The following TMPRSS15 variants were observed in gnomAD, a reference collection of about 807,000 sequenced individuals.
TMPRSS15 encodes the protein enteropeptidase.
A neutral mutation model predicts 125.3 loss-of-function variants in TMPRSS15; 128 were observed. The observed-to-expected ratio is 1.02, with a 90% CI of 0.89 to 1.18. The LOEUF is 1.18. TMPRSS15 is among the 50% of genes most tolerant of loss of function. The pLI is 0.00. For synonymous variants in TMPRSS15, 446 were observed against 423.2 expected (o/e 1.05, Z -0.66); for missense variants, 1,283 against 1,212.7 (o/e 1.06, Z -0.86).
chr21:18,440,101 G>A (rs942289331), intron 1 of TMPRSS15, among the ~76,000 whole-genome samples: 27 of 151,936 alleles, frequency 1.8e-4, no homozygotes, highest in South Asian at 1.0e-3. Context: ...ATGGCCGGGC[G>A]CGGTGGCTCA....
Position 18,428,378 on chromosome 21 carries a change from G to T in TMPRSS15, c.11-30049C>A, listed in dbSNP as rs143369951. On this transcript the variant is annotated intron_variant, in intron 1 of 7. Transcript: ENST00000422787. ...CGAGGAGAAATTCAAGCAGGCTGCA[G>T]AAATTTGCATAAGTAACAAGGAGCC... Among the ~76,000 whole-genome samples the T allele has an allele frequency of 2.0e-4, 30 of 152,314 alleles. 1 individual carries two copies. The East Asian group carries it at 5.8e-3, about 29-fold the overall frequency.
chr21:18,402,078 T>C (rs2076099911), intron 1 of TMPRSS15, among the ~76,000 whole-genome samples: 1 of 152,190 alleles, frequency 6.6e-6, no homozygotes, highest in African/African-American at 2.4e-5. Context: ...CTTTAAAATA[T>C]AGCCCGTGTG....
At chr21:18,334,420 T>C (rs1297080122) in intron 13 of TMPRSS15, among the ~76,000 whole-genome samples, 8 of 152,196 alleles carry the variant, frequency 5.3e-5, no homozygotes, top group Non-Finnish European at 8.8e-5. Flanking sequence ...TTATCTCATA[T>C]GGGGAGAGAA....
At chr21:18,312,095 T>G (rs2075106616) in intron 18 of TMPRSS15, among the ~76,000 whole-genome samples, 1 of 152,110 alleles carries the variant, frequency 6.6e-6, no homozygotes, top group African/African-American at 2.4e-5. Flanking sequence ...GTTATAAAGA[T>G]AACCACATGT....
intron 18 of TMPRSS15, among the ~76,000 whole-genome samples, chr21:18,298,242 T>C (rs1342417632): frequency 6.6e-6 from 1 of 152,222 alleles, no homozygotes. Flanking sequence ...TTTTCTCCTG[T>C]TGTATAGCTC....
intron 1 of TMPRSS15, among the ~76,000 whole-genome samples, chr21:18,453,211 C>G (rs1467208320): frequency 6.6e-6 from 1 of 152,118 alleles, no homozygotes; most frequent in Non-Finnish European, 1.5e-5. Flanking sequence ...AAACTACCAG[C>G]CTCTAATTTA....
intron 18 of TMPRSS15, among the ~76,000 whole-genome samples, chr21:18,308,259 T>G (rs894044475): frequency 1.3e-5 from 2 of 152,184 alleles, no homozygotes; most frequent in Admixed American, 6.6e-5. Flanking sequence ...TTTTGTTGAC[T>G]CTTTATCAAC....
rs142852572 is a variant in TMPRSS15, at chr21:18,471,667, A to ACTC, written c.10+14131_10+14132insGAG. Among the ~76,000 whole-genome samples the ACTC allele has an allele frequency of 4.0e-3, 605 of 152,204 alleles. 3 individuals are homozygous for ACTC. Among genetic ancestry groups the ACTC allele is most frequent in the African/African-American group, 0.014 (576 of 41,556 alleles). ...AAAACTTAATGATAATTTTTATAGA[A>ACTC]ACCTTTGCAACCAGCCACTCAAATG... On this transcript the variant is annotated intron_variant, in intron 1 of 7. Coordinates refer to the TMPRSS15 transcript ENST00000422787.
At chr21:18,271,872 T>C (rs2074561019) in intron 24 of TMPRSS15, among the ~76,000 whole-genome samples, 1 of 152,184 alleles carries the variant, frequency 6.6e-6, no homozygotes, top group Non-Finnish European at 1.5e-5. Flanking sequence ...GATGATGGCT[T>C]CCAGCTTCAT....
In TMPRSS15 at chr21:18,394,533, G is replaced by GTCTCTC. The variant is rs199599399; in HGVS notation, c.344+3340_344+3345dup. Among the ~76,000 whole-genome samples the GTCTCTC allele has an allele frequency of 2.7e-5, 4 of 147,294 alleles. No individual in the cohort carries two copies. The South Asian group carries it at 8.6e-4, about 32-fold the overall frequency. On this transcript the variant is annotated intron_variant, in intron 3 of 24. Coordinates refer to ENST00000284885, the MANE Select transcript of TMPRSS15 (RefSeq NM_002772.3). ...TATGGCATTCTCTCTCTCTCTCTCT[G>GTCTCTC]TCTCTCTCTCTCTCTCTCTGTCTCT...
At chr21:18,436,190 C>T (rs2076227483) in intron 1 of TMPRSS15, among the ~76,000 whole-genome samples, 1 of 150,574 alleles carries the variant, frequency 6.6e-6, no homozygotes, top group Non-Finnish European at 1.5e-5. Context: ...AATGTGTTTG[C>T]TCTTGCTTTT....
At chr21:18,474,514 T>C (rs2123286097) in intron 1 of TMPRSS15, among the ~76,000 whole-genome samples, 1 of 152,200 alleles carries the variant, frequency 6.6e-6, no homozygotes, top group African/African-American at 2.4e-5. Context: ...GGTCTCAAAC[T>C]CCTGACCTCA....
chr21:18,422,882 G>A (rs1168087436), intron 1 of TMPRSS15, among the ~76,000 whole-genome samples: 1 of 152,186 alleles, frequency 6.6e-6, no homozygotes, highest in Non-Finnish European at 1.5e-5. Flanking sequence ...GGAAATAGCA[G>A]TCAGGAAATT....
At chr21:18,418,640 T>C (rs897641681) in intron 1 of TMPRSS15, among the ~76,000 whole-genome samples, 1 of 152,252 alleles carries the variant, frequency 6.6e-6, no homozygotes, top group African/African-American at 2.4e-5. Flanking sequence ...CGTATTCTTT[T>C]GCTCTATAAT....
chr21:18,388,351 T>C (rs973842635), intron 3 of TMPRSS15, among the ~76,000 whole-genome samples: 2 of 152,164 alleles, frequency 1.3e-5, no homozygotes, highest in Non-Finnish European at 2.9e-5. Flanking sequence ...ATGTGGTGAT[T>C]TTGTCATCTA....
At chr21:18,311,037 A>T (rs2075096565) in intron 18 of TMPRSS15, among the ~76,000 whole-genome samples, 1 of 151,940 alleles carries the variant, frequency 6.6e-6, no homozygotes, top group Non-Finnish European at 1.5e-5. Context: ...TAACTATATG[A>T]AGTATGAAAC....
chr21:18,278,805 T>C (rs1196688543), intron 23 of TMPRSS15, among the ~76,000 whole-genome samples, 159 bp downstream of exon 23: 1 of 151,988 alleles, frequency 6.6e-6, no homozygotes. Flanking sequence ...ACTCTAAATA[T>C]ATATATGTAC....
chr21:18,478,130 T>C (rs189398514), intron 1 of TMPRSS15, among the ~76,000 whole-genome samples: 15 of 152,208 alleles, frequency 9.9e-5, no homozygotes, highest in Admixed American at 2.0e-4. Flanking sequence ...TGATGTTTTT[T>C]TCCAGAGTAA....
intron 19 of TMPRSS15, 98 bp downstream of exon 19, chr21:18,297,636 G>T: frequency 1.2e-6 from 1 of 815,314 alleles, no homozygotes; most frequent in South Asian, 1.5e-5. Context: ...AAGATTATAT[G>T]ACCAGTATGT....
Sources: gnomAD v4.1 joint callset for allele counts (sites outside exome capture counted in the v4.1 genomes callset) on GRCh38, gnomAD v4.1.1 for gene constraint, MANE v1.5 for transcripts, NCBI Gene and HGNC (gene_info 2026-07-23, HGNC 2026-07-21) for gene names.